PLPPR5: variants seen among roughly 807,000 people sequenced by gnomAD.
PLPPR5 encodes phospholipid phosphatase related 5, also known as phospholipid phosphatase-related protein type 5.
In PLPPR5, 16 loss-of-function variants were observed where a neutral mutation model predicts 33.9. The ratio of observed to expected loss-of-function variants is 0.47; its 90% confidence interval spans 0.32 to 0.72. PLPPR5 has a LOEUF of 0.72. PLPPR5 is among the 30% of genes least tolerant of loss of function. PLPPR5 has a pLI of 0.03. For synonymous variants in PLPPR5, 163 were observed against 150.3 expected (o/e 1.08, Z -0.62); for missense variants, 301 against 406.7 (o/e 0.74, Z 2.23).
At chr1:98,990,293 C>G (rs1308937534) in intron 1 of PLPPR5, among the ~76,000 whole-genome samples, 3 of 152,058 alleles carry the variant, frequency 2.0e-5, no homozygotes, top group Non-Finnish European at 4.4e-5. Flanking sequence ...CGCTTGAACC[C>G]AAGAGGTGGA....
intron 5 of PLPPR5, among the ~76,000 whole-genome samples, chr1:98,910,934 G>A (rs79413238): frequency 0.022 from 3,152 of 145,486 alleles, 62 homozygotes; most frequent in Middle Eastern, 0.03. Flanking sequence ...AAATGATATT[G>A]AATGAAACGA....
At chr1:98,983,099 T>A (rs200618020) in intron 1 of PLPPR5, among the ~76,000 whole-genome samples, 4 of 144,988 alleles carry the variant, frequency 2.8e-5, no homozygotes, top group Non-Finnish European at 4.6e-5. Context: ...TTTTTTTTTT[T>A]ATTATACTTT....
At chr1:98,908,054 T>C (rs1171132550) in intron 5 of PLPPR5, among the ~76,000 whole-genome samples, 1 of 152,176 alleles carries the variant, frequency 6.6e-6, no homozygotes, top group Non-Finnish European at 1.5e-5. Context: ...CTTTGGGTAG[T>C]TGCTTATTTG....
At chr1:98,927,792 C>T (rs1177238869) in intron 3 of PLPPR5, among the ~76,000 whole-genome samples, 2 of 152,184 alleles carry the variant, frequency 1.3e-5, no homozygotes, top group African/African-American at 4.8e-5. Flanking sequence ...TCCCTCTCCT[C>T]CAACCCTCCA....
chr1:98,958,460 A>G (rs138869542), intron 1 of PLPPR5, among the ~76,000 whole-genome samples: 3 of 152,026 alleles, frequency 2.0e-5, no homozygotes, highest in Non-Finnish European at 4.4e-5. Flanking sequence ...GAAGACATTG[A>G]GTGGAACTAA....
At chr1:98,920,601 A>AAAAAAAAAAAAAAAAAAAAG (rs1382133355) in intron 4 of PLPPR5, among the ~76,000 whole-genome samples, 1 of 148,964 alleles carries the variant, frequency 6.7e-6, no homozygotes. Context: ...ACCAAAAAAA[A>AAAAAAAAAAAAAAAAAAAAG]AAAAAAAAGC....
At chr1:98,987,959 T>C (rs996607635) in intron 1 of PLPPR5, among the ~76,000 whole-genome samples, 2 of 152,050 alleles carry the variant, frequency 1.3e-5, no homozygotes, top group African/African-American at 4.8e-5. Context: ...CCATAACCGA[T>C]CTCTCCAGAA....
In PLPPR5 at chr1:98,923,745, G is replaced by A. The variant is rs111712560; in HGVS notation, c.622-1687C>T. On this transcript the variant is annotated intron_variant, in intron 3 of 5. Transcript: ENST00000263177. ...TGTGTCTAAGACTGTGCTTGGAAAAGCTTGATAATTTCAGTTATGGAGGGT... is the reference window on the plus strand; with the variant it reads ...TGTGTCTAAGACTGTGCTTGGAAAAACTTGATAATTTCAGTTATGGAGGGT... 7.1e-3 allele frequency among the ~76,000 whole-genome samples: 1,082 copies of A among 152,270 alleles called. 14 individuals are homozygous for A. The highest frequency in any genetic ancestry group is 0.025 in the African/African-American group (1,041 of 41,568).
In PLPPR5 at chr1:98,956,872, C is replaced by T. The variant is rs558887024; in HGVS notation, c.238-131G>A. On this transcript the variant is annotated intron_variant, in intron 1 of 5. Transcript: ENST00000263177. ...TCTCAATGTAAAACAGAGCCATAAT[C>T]GATTTCCTAGATCCTTTGATTATAG... 37 of 678,752 alleles carry T rather than the reference C, an allele frequency of 5.5e-5. 1 individual carries two copies. The South Asian group carries it at 6.7e-4, about 12-fold the overall frequency. 42.0% of individuals were successfully genotyped at this position (678,752 alleles called of 1,614,324 possible). A position where few individuals can be genotyped will look rare whatever the true frequency, so the allele number is the denominator to read the frequency against.
At chr1:98,979,328 T>G (rs1651975357) in intron 1 of PLPPR5, among the ~76,000 whole-genome samples, 1 of 152,082 alleles carries the variant, frequency 6.6e-6, no homozygotes, top group Non-Finnish European at 1.5e-5. Context: ...CTGTTTTGGT[T>G]GCATGACTGT....
At chr1:98,959,855 A>G (rs1277976812) in intron 1 of PLPPR5, among the ~76,000 whole-genome samples, 1 of 152,172 alleles carries the variant, frequency 6.6e-6, no homozygotes, top group Non-Finnish European at 1.5e-5. Context: ...TAGAGAAGGT[A>G]GTTTTCAAAC....
Position 99,004,549 on chromosome 1 carries a change from C to T in PLPPR5, c.123G>A (p.Gln41=), listed in dbSNP as rs1652998421. 2 of 1,613,140 alleles carry T rather than the reference C, an allele frequency of 1.2e-6. No homozygotes were observed. Among genetic ancestry groups the T allele is most frequent in the Admixed American group, 1.7e-5 (1 of 60,024 alleles). Residue 41 remains glutamine, a synonymous_variant, in exon 1 of 6, where the codon CAG becomes CAA. Transcript: ENST00000263177. ...EYTDTFTVNV[Q]GFFCHDSAYR... Reference sequence around the variant, plus strand: ...AGGCGCTGTCGTGGCAGAAGAAGCCCTGCACGTTCACGGTGAACGTGTCCG... The same window carrying T: ...AGGCGCTGTCGTGGCAGAAGAAGCCTTGCACGTTCACGGTGAACGTGTCCG...
At chr1:98,898,128 G>T (rs2101132696) in intron 5 of PLPPR5, among the ~76,000 whole-genome samples, 1 of 152,170 alleles carries the variant, frequency 6.6e-6, no homozygotes, top group South Asian at 2.1e-4. Flanking sequence ...AAACTCATTT[G>T]GTGGCAAAAC....
At chr1:98,985,929 T>C (rs897005062) in intron 1 of PLPPR5, among the ~76,000 whole-genome samples, 2 of 152,066 alleles carry the variant, frequency 1.3e-5, no homozygotes, top group African/African-American at 4.8e-5. Flanking sequence ...TATGACTGTA[T>C]ACAATGCAAC....
chr1:98,945,503 G>A (rs1483205030), intron 3 of PLPPR5, among the ~76,000 whole-genome samples: 1 of 152,176 alleles, frequency 6.6e-6, no homozygotes, highest in Non-Finnish European at 1.5e-5. Flanking sequence ...AGGAGGTAGT[G>A]TGATGTAAAA....
rs766140368 is a variant in PLPPR5 at position 99,004,468 on chromosome 1, G to C, written c.204C>G (p.Leu68=). ...EDSSAVPPVL[L]YSLAAGVPVL... ...CGGGGACCCCGGCGGCCAGCGAGTA[G>C]AGGAGCACGGGGGGCACGGCGCTGC... The change falls in exon 1 of 6, where the codon CTC becomes CTG. Residue 68 remains leucine (L), a synonymous_variant. Transcript: ENST00000263177. 2.5e-6 allele frequency: 4 copies of C among 1,611,732 alleles called. No homozygotes were observed. In the East Asian group the frequency reaches 8.9e-5, roughly 36 times the overall value.
chr1:98,982,381 C>T (rs1652087770), intron 1 of PLPPR5, among the ~76,000 whole-genome samples: 1 of 152,026 alleles, frequency 6.6e-6, no homozygotes, highest in Admixed American at 6.6e-5. Flanking sequence ...ATCTGACCTT[C>T]CAAGAAATCA....
At chr1:98,893,127 C>A in intron 5 of PLPPR5, 23 bp from the exon 6 acceptor site, 1 of 1,608,506 alleles carries the variant, frequency 6.2e-7, no homozygotes, top group Non-Finnish European at 8.5e-7. Context: ...AAAGGAATGA[C>A]AAAGTGAGAG....
intron 1 of PLPPR5, among the ~76,000 whole-genome samples, chr1:98,964,640 C>G (rs1651367218): frequency 6.6e-6 from 1 of 152,188 alleles, no homozygotes; most frequent in Admixed American, 6.5e-5. Flanking sequence ...TACTCCTACT[C>G]TGCCAAGAGA....
Sources: gnomAD v4.1 joint callset for allele counts (sites outside exome capture counted in the v4.1 genomes callset) on GRCh38, gnomAD v4.1.1 for gene constraint, MANE v1.5 for transcripts, NCBI Gene and HGNC (gene_info 2026-07-23, HGNC 2026-07-21) for gene names.